Variants in FARS2 observed in about 807,000 individuals in gnomAD.
FARS2 encodes phenylalanine--tRNA ligase, mitochondrial.
A neutral mutation model predicts 46.4 loss-of-function variants in FARS2; 40 were observed. The observed-to-expected ratio is 0.86, with a 90% CI of 0.67 to 1.12. The LOEUF (loss-of-function observed/expected upper bound fraction) is 1.12, where lower values mean the gene tolerates loss of function less well. FARS2 is among the 50% of genes most tolerant of loss of function. FARS2 has a pLI of 0.00. For missense variants in FARS2, 513 were observed against 567.9 expected (o/e 0.90, Z 0.98); for synonymous variants, 234 against 214.9 (o/e 1.09, Z -0.78).
At position 5,381,174 on chromosome 6, in the gene FARS2, G is replaced by A. The variant is rs912447455; in HGVS notation, c.612+11992G>A. The stretch of plus-strand genomic sequence containing the variant: ...CGCCACCACACCCGGCTAATTTTTT[G>A]TATTTTTAGTAGAGACTAAAAATCC... On this transcript the variant is annotated intron_variant, in intron 2 of 6. Coordinates refer to ENST00000274680, the MANE Select transcript of FARS2 (RefSeq NM_006567.5). 2.2e-4 allele frequency among the ~76,000 whole-genome samples: 33 copies of A among 151,670 alleles called. No individual in the cohort carries two copies. The East Asian group carries it at 2.3e-3, about 11-fold the overall frequency.
chr6:5,496,262 T>G lies in FARS2; in HGVS notation c.905-48918T>G, dbSNP rs140033115. On this transcript the variant is annotated intron_variant, in intron 4 of 6. Transcript: ENST00000274680. Reference sequence around the variant, plus strand: ...ATTGCTTAAGTGCGCCATTTGTCACTTCTGTGTTTTTAGTTGATGACTCTA... The same window carrying G: ...ATTGCTTAAGTGCGCCATTTGTCACGTCTGTGTTTTTAGTTGATGACTCTA... Among the ~76,000 whole-genome samples, 486 of 152,302 alleles carry G rather than the reference T, an allele frequency of 3.2e-3. 2 individuals carry two copies. The highest frequency in any genetic ancestry group is 0.011 in the African/African-American group (472 of 41,558).
intron 1 of FARS2, among the ~76,000 whole-genome samples, chr6:5,325,798 G>T (rs1356856130): frequency 1.3e-5 from 2 of 152,144 alleles, no homozygotes; most frequent in East Asian, 3.8e-4. Context: ...TGGATAAATT[G>T]ATAAGAAAAC....
At position 5,269,207 on chromosome 6, in the gene FARS2, A is replaced by C. The variant is rs1274336624; in HGVS notation, c.-22+7547A>C. 6.6e-5 allele frequency among the ~76,000 whole-genome samples: 10 copies of C among 152,338 alleles called. No homozygotes were observed. In the South Asian group the frequency reaches 1.9e-3, roughly 28 times the overall value. On this transcript the variant is annotated intron_variant, in intron 1 of 6. Transcript: ENST00000274680. ...TTTGTAGGGACATGGATGAAGCTGG[A>C]AACCATCATTCTGAGCAAACTATCG...
intron 6 of FARS2, 67 bp from the exon 7 acceptor site, chr6:5,771,224 C>G: frequency 6.3e-7 from 1 of 1,597,064 alleles, no homozygotes; most frequent in South Asian, 1.1e-5. Context: ...CCAGGGCAAG[C>G]CACACTGCTC....
chr6:5,529,570 T>C (rs1769694228), intron 4 of FARS2, among the ~76,000 whole-genome samples: 1 of 152,236 alleles, frequency 6.6e-6, no homozygotes, highest in Non-Finnish European at 1.5e-5. Flanking sequence ...CCTCTCAAAG[T>C]GCTGGGATTA....
rs1208384348 is a variant in FARS2, at chr6:5,765,312, G to A, written c.1218-5979G>A. The stretch of plus-strand genomic sequence containing the variant: ...GGGACCAGGATCCAAGTGAAAGTAA[G>A]TTTCAGGAAAAGCTTGAGTCATGTT... On this transcript the variant is annotated intron_variant, in intron 6 of 6. Coordinates refer to ENST00000274680, the MANE Select transcript of FARS2 (RefSeq NM_006567.5). The surrounding 1 kb of genome is among the most constrained non-coding windows in gnomAD (Gnocchi z 4.0). Among the ~76,000 whole-genome samples the A allele has an allele frequency of 1.3e-5, 2 of 152,232 alleles. No individual in the cohort carries two copies. Among genetic ancestry groups the A allele is most frequent in the South Asian group, 2.1e-4 (1 of 4,830 alleles).
intron 4 of FARS2, among the ~76,000 whole-genome samples, chr6:5,532,180 A>G (rs9504428): frequency 0.022 from 3,312 of 152,358 alleles, 43 homozygotes; most frequent in Middle Eastern, 0.027. Context: ...CAACATAGAA[A>G]GCACACAGAT....
chr6:5,554,986 T>G (rs1771573859), intron 5 of FARS2, among the ~76,000 whole-genome samples: 1 of 152,094 alleles, frequency 6.6e-6, no homozygotes, highest in Non-Finnish European at 1.5e-5. Context: ...TGTAATATGG[T>G]TTGGCTCTGT....
intron 1 of FARS2, among the ~76,000 whole-genome samples, chr6:5,365,694 A>G (rs1265720225): frequency 2.0e-5 from 3 of 151,950 alleles, no homozygotes; most frequent in Non-Finnish European, 4.4e-5. Flanking sequence ...ACCCTCCCTC[A>G]GTCAGTTGAA....
chr6:5,298,602 G>A (rs1251355245), intron 1 of FARS2, among the ~76,000 whole-genome samples: 1 of 152,198 alleles, frequency 6.6e-6, no homozygotes, highest in Non-Finnish European at 1.5e-5. Flanking sequence ...TGATGCTAGA[G>A]TCTCATGTCC....
intron 5 of FARS2, among the ~76,000 whole-genome samples, chr6:5,552,862 T>G (rs1771447758): frequency 6.6e-6 from 1 of 152,204 alleles, no homozygotes; most frequent in South Asian, 2.1e-4. Flanking sequence ...TGTTTGGGTC[T>G]TTGTTGCATA....
intron 1 of FARS2, among the ~76,000 whole-genome samples, chr6:5,357,462 G>A (rs959506118): frequency 1.3e-5 from 2 of 152,202 alleles, no homozygotes; most frequent in African/African-American, 4.8e-5. Context: ...AGTAAGTTTA[G>A]TGAGTGTTTT....
chr6:5,417,664 A>G (rs577456314), intron 3 of FARS2, among the ~76,000 whole-genome samples: 1 of 152,018 alleles, frequency 6.6e-6, no homozygotes, highest in Admixed American at 6.5e-5. Flanking sequence ...TCGTTTTGCA[A>G]TGTTTTCTTT....
intron 1 of FARS2, among the ~76,000 whole-genome samples, chr6:5,279,994 C>T (rs1265196033): frequency 6.6e-6 from 1 of 152,244 alleles, no homozygotes; most frequent in Non-Finnish European, 1.5e-5. Flanking sequence ...CTAACCGTTA[C>T]ACTAGGCAAA....
chr6:5,332,289 A>T (rs552192137), intron 1 of FARS2, among the ~76,000 whole-genome samples: 65 of 152,382 alleles, frequency 4.3e-4, no homozygotes, highest in African/African-American at 1.5e-3. Context: ...GGCATAGCAC[A>T]TCATCTTCAG....
rs747604331 is a variant in FARS2, at chr6:5,368,535, G to A, written c.-21-15G>A. 18 of 1,570,318 alleles carry A rather than the reference G, an allele frequency of 1.1e-5. No homozygotes were observed. Among genetic ancestry groups the A allele is most frequent in the African/African-American group, 1.3e-5 (1 of 74,142 alleles). On this transcript the variant is annotated splice_polypyrimidine_tract_variant and intron_variant, in intron 1 of 6. Coordinates refer to ENST00000274680, the MANE Select transcript of FARS2 (RefSeq NM_006567.5). ...GTGACACCTGACTTGTGCTTTGCCT[G>A]TGTGCTCTTTCCAGAACCTGTGAGA... is the stretch of plus-strand genomic sequence containing the variant.
intron 1 of FARS2, among the ~76,000 whole-genome samples, chr6:5,359,012 T>C (rs562134293): frequency 6.7e-6 from 1 of 148,382 alleles, no homozygotes; most frequent in South Asian, 2.2e-4. Context: ...AATCGAATTA[T>C]AGTGATGAAA....
intron 4 of FARS2, among the ~76,000 whole-genome samples, chr6:5,479,541 T>C (rs1766323148): frequency 6.6e-6 from 1 of 152,214 alleles, no homozygotes; most frequent in African/African-American, 2.4e-5. Context: ...TACACAGTTG[T>C]TTATCTTTTA....
intron 6 of FARS2, among the ~76,000 whole-genome samples, chr6:5,721,603 C>T (rs139057890): frequency 1.7e-4 from 26 of 152,176 alleles, no homozygotes; most frequent in South Asian, 1.7e-3. Flanking sequence ...TTTTAAGCGT[C>T]GACACATTTC....
Sources: allele counts gnomAD v4.1 joint callset (sites outside exome capture counted in the v4.1 genomes callset), GRCh38; gene constraint gnomAD v4.1.1; non-coding constraint Gnocchi (gnomAD v3.1); transcripts MANE v1.5; gene names NCBI Gene and HGNC (gene_info 2026-07-23, HGNC 2026-07-21).